LATS1: variants seen among roughly 807,000 people sequenced by gnomAD.
The protein encoded by LATS1 is large tumor suppressor kinase 1.
LATS1 carries 25 observed loss-of-function variants against 106.6 expected under a neutral mutation model. That is an observed-to-expected ratio of 0.23 (90% CI 0.17 to 0.33). The LOEUF (loss-of-function observed/expected upper bound fraction) is 0.33. Ranked by LOEUF, LATS1 falls within the 10% of genes least tolerant of loss-of-function variation. LATS1 has a pLI of 1.00. For synonymous variants in LATS1, 465 were observed against 455.6 expected, an observed-to-expected ratio of 1.02 and a Z score of -0.26; for missense variants, 1,040 against 1,382.6, an observed-to-expected ratio of 0.75 and a Z score of 3.93.
At position 149,701,841 on chromosome 6, in the gene LATS1, GAGA is replaced by G. The variant is rs749351374; in HGVS notation, c.283_285del (p.Ser95del). ...TGTGGATTAACTTCTGAAGTACTCC[GAGA>G]AGAATTTGTTTCATTTGCAAATGGA... On this transcript the variant is annotated inframe_deletion, in exon 2 of 8. Coordinates refer to ENST00000543571, the MANE Select transcript of LATS1 (RefSeq NM_004690.4). The G allele has an allele frequency of 6.2e-7, 1 of 1,614,100 alleles. No individual in the cohort carries two copies. Among genetic ancestry groups the G allele is most frequent in the South Asian group, 1.1e-5 (1 of 91,072 alleles).
chr6:149,699,144 G>A (rs1783292300), intron 2 of LATS1, among the ~76,000 whole-genome samples: 1 of 151,224 alleles, frequency 6.6e-6, no homozygotes, highest in Non-Finnish European at 1.5e-5. Flanking sequence ...AAAGAATGAA[G>A]TGAAAACTAG....
At chr6:149,704,881 TA>T (rs766123043) in intron 1 of LATS1, among the ~76,000 whole-genome samples, 1,558 of 101,998 alleles carry the variant, frequency 0.015, 8 homozygotes, top group South Asian at 0.032. Context: ...TTATAGAAAT[TA>T]ATTATACACA....
chr6:149,675,020 C>T (rs1781640039), intron 7 of LATS1, among the ~76,000 whole-genome samples: 1 of 151,966 alleles, frequency 6.6e-6, no homozygotes, highest in African/African-American at 2.4e-5. Context: ...AGATTGAGAC[C>T]ATCCTGGCCA....
chr6:149,661,529 T>G lies in LATS1; in HGVS notation c.*200A>C. 2.2e-6 allele frequency: 1 copy of G among 460,436 alleles called. No homozygotes were observed. The highest frequency in any genetic ancestry group is 3.7e-6 in the Non-Finnish European group (1 of 268,162). The allele number at this position is 460,436 out of a possible 1,614,324, so 28.5% of individuals were successfully genotyped here. ...ATAATTTACTTTCCTTATAACAATTTTTTTCTAAATACTGATTTAAACGGC... is the reference window on the plus strand; with the variant it reads ...ATAATTTACTTTCCTTATAACAATTGTTTTCTAAATACTGATTTAAACGGC... On this transcript the variant is annotated 3_prime_UTR_variant, in exon 8 of 8. Transcript: ENST00000543571.
intron 7 of LATS1, among the ~76,000 whole-genome samples, chr6:149,668,301 T>C (rs1229906284): frequency 6.6e-6 from 1 of 152,046 alleles, no homozygotes; most frequent in African/African-American, 2.4e-5. Context: ...TCAACACACT[T>C]GCTCTAAAGT....
At chr6:149,690,120 C>T (rs1782645199) in intron 3 of LATS1, among the ~76,000 whole-genome samples, 1 of 151,702 alleles carries the variant, frequency 6.6e-6, no homozygotes, top group South Asian at 2.1e-4. Context: ...GATTGAGAAA[C>T]ATTTATAGAA....
chr6:149,713,592 G>A (rs1036816471), intron 1 of LATS1, among the ~76,000 whole-genome samples: 7 of 151,940 alleles, frequency 4.6e-5, no homozygotes, highest in Non-Finnish European at 7.4e-5. Flanking sequence ...CACCATACCC[G>A]GACAATTGTA....
chr6:149,663,917 C>T (rs563421860), intron 7 of LATS1, among the ~76,000 whole-genome samples: 2 of 151,518 alleles, frequency 1.3e-5, no homozygotes, highest in Non-Finnish European at 2.9e-5. Context: ...AAGCGATTCT[C>T]CTGCCTCAGC....
intron 7 of LATS1, among the ~76,000 whole-genome samples, chr6:149,669,788 A>T (rs1236653114): frequency 6.6e-6 from 1 of 151,896 alleles, no homozygotes; most frequent in Non-Finnish European, 1.5e-5. Flanking sequence ...TCAAATAACT[A>T]CAACATAAAT....
intron 7 of LATS1, chr6:149,675,944 G>A: frequency 3.7e-6 from 1 of 272,260 alleles, no homozygotes; most frequent in Non-Finnish European, 7.1e-6. Flanking sequence ...TGGCATCATG[G>A]AGACTGGAGT....
intron 4 of LATS1, among the ~76,000 whole-genome samples, chr6:149,680,744 A>AG (rs568438510): frequency 2.3e-5 from 1 of 43,162 alleles, no homozygotes; most frequent in East Asian, 5.4e-3. Flanking sequence ...ATGCACTCCG[A>AG]AAAAAAAAAA....
At chr6:149,664,001 G>T (rs1401715053) in intron 7 of LATS1, among the ~76,000 whole-genome samples, 1 of 151,784 alleles carries the variant, frequency 6.6e-6, no homozygotes. Flanking sequence ...GTAGAGACGG[G>T]GTTTCACCAT....
At position 149,662,169 on chromosome 6, in the gene LATS1, T is replaced by A. The variant is rs937398843; in HGVS notation, c.2953A>T (p.Ile985Phe). Residue 985 changes from isoleucine to phenylalanine, a missense_variant, in exon 8 of 8, where the codon ATT (isoleucine) becomes TTT (phenylalanine). Ile to Phe is a conservative substitution (Grantham distance 21). Coordinates refer to ENST00000543571, the MANE Select transcript of LATS1 (RefSeq NM_004690.4). Reference protein sequence around the residue: ...AKLSPEASDLIIKLCRGPEDR... With the variant: ...AKLSPEASDLFIKLCRGPEDR... ...TCGGGTCCTCGGCAAAGTTTAATAA[T>A]AAGATCAGAAGCTTCAGGACTGAGT... 2 of 1,613,840 alleles carry A rather than the reference T, an allele frequency of 1.2e-6. No individual in the cohort carries two copies. The highest frequency in any genetic ancestry group is 2.2e-5 in the South Asian group (2 of 91,084).
chr6:149,680,223 G>T lies in LATS1; in HGVS notation c.2245C>A (p.His749Asn). ...KDVLLRNQVA[H>N]VKAERDILAE... ...AGGATATCTCTCTCAGCCTTAACAT[G>T]AGCGACTTGATTTCGAAGAAGAACA... The change falls in exon 5 of 8, where the codon CAT becomes AAT. Residue 749 changes from histidine to asparagine, a missense_variant. Around this residue, in one of 7 missense-constraint regions of LATS1, gnomAD observed 167 missense variants for 332.1 expected, o/e 0.50. Transcript: ENST00000543571. 6.2e-7 allele frequency: 1 copy of T among 1,614,000 alleles called. No homozygotes were observed. Among genetic ancestry groups the T allele is most frequent in the Non-Finnish European group, 8.5e-7 (1 of 1,179,936 alleles).
intron 1 of LATS1, among the ~76,000 whole-genome samples, chr6:149,704,927 C>CACAA (rs1491546457): frequency 7.3e-6 from 1 of 137,132 alleles, no homozygotes; most frequent in African/African-American, 2.6e-5. Context: ...CACACACACA[C>CACAA]AATTTGCAGC....
intron 1 of LATS1, among the ~76,000 whole-genome samples, chr6:149,716,805 T>G (rs777004319): frequency 6.6e-6 from 1 of 152,166 alleles, no homozygotes; most frequent in Non-Finnish European, 1.5e-5. Context: ...TCCACTGCCT[T>G]AAGGAATCAA....
rs745592036 is a variant in LATS1 at position 149,701,934 on chromosome 6, C to A, written c.193G>T (p.Val65Phe). ...GTCCCAAATTTGGGTGGATTTCTGA[C>A]TTGTCGAGGATCTTCGGTTGACATT... is the stretch of plus-strand genomic sequence containing the variant. Reference protein sequence around the residue: ...SKMSTEDPRQVRNPPKFGTHH... With the variant: ...SKMSTEDPRQFRNPPKFGTHH... The change falls in exon 2 of 8, where the codon GTC becomes TTC. Residue 65 changes from valine (V) to phenylalanine (F), a missense_variant. Val to Phe is a conservative substitution (Grantham distance 50). This residue lies in a region of LATS1 where 624 missense variants were observed against 714.8 expected (regional missense o/e 0.87). Transcript: ENST00000543571. 8.7e-6 allele frequency: 14 copies of A among 1,614,204 alleles called. No homozygotes were observed. Among genetic ancestry groups the A allele is most frequent in the Non-Finnish European group, 9.3e-6 (11 of 1,180,044 alleles).
chr6:149,718,089 G>C lies in LATS1; in HGVS notation c.-381C>G. 1 of 297,816 alleles carries C rather than the reference G, an allele frequency of 3.4e-6. No individual in the cohort carries two copies. The highest frequency in any genetic ancestry group is 6.6e-6 in the Non-Finnish European group (1 of 152,138). The allele number at this position is 297,816 out of a possible 1,614,324, so 18.4% of individuals were successfully genotyped here. ...TTGCCTTCCACTCAGTGTCGCCGCC[G>C]CCGCACTCCGCTGCAGGTTTCCCGG... is the stretch of plus-strand genomic sequence containing the variant. On this transcript the variant is annotated 5_prime_UTR_variant, in exon 1 of 8. Coordinates refer to ENST00000543571, the MANE Select transcript of LATS1 (RefSeq NM_004690.4).
At position 149,676,051 on chromosome 6, in the gene LATS1, C is replaced by T. The variant is rs1781703842; in HGVS notation, c.2883+209G>A. The T allele has an allele frequency of 9.7e-6, 5 of 515,738 alleles. No individual in the cohort carries two copies. The East Asian group carries it at 1.7e-4, about 17-fold the overall frequency. 31.9% of individuals were successfully genotyped at this position (515,738 alleles called of 1,614,324 possible). ...ATTTGTTTGTAGAGATGTGGTCTCACATTGTTGCCAGGCTGATCTTGAACT... is the reference window on the plus strand; with the variant it reads ...ATTTGTTTGTAGAGATGTGGTCTCATATTGTTGCCAGGCTGATCTTGAACT... On this transcript the variant is annotated intron_variant, in intron 7 of 7. Transcript: ENST00000543571.
Sources: allele counts gnomAD v4.1 joint callset (sites outside exome capture counted in the v4.1 genomes callset), GRCh38; gene constraint gnomAD v4.1.1; regional missense constraint gnomAD v4.1.1; transcripts MANE v1.5; gene names NCBI Gene and HGNC (gene_info 2026-07-23, HGNC 2026-07-21).